The following RNMT variants were observed in gnomAD, a reference collection of about 807,000 sequenced individuals.
RNMT encodes the protein mRNA cap guanine-N(7) methyltransferase.
Under a neutral mutation model 56.0 loss-of-function variants are expected in RNMT, and 27 were observed. The ratio of observed to expected loss-of-function variants is 0.48; its 90% CI spans 0.36 to 0.67. The LOEUF (loss-of-function observed/expected upper bound fraction) is 0.67, where lower values mean the gene tolerates loss of function less well. Ranked by LOEUF, RNMT falls within the 30% of genes least tolerant of loss-of-function variation. The probability of loss-of-function intolerance (pLI) is 0.00; values close to 1 mark genes in which losing one functional copy is unlikely to be tolerated. For missense variants in RNMT, 519 were observed against 552.1 expected, an observed-to-expected ratio of 0.94 and a Z score of 0.60; for synonymous variants, 184 against 176.2, an observed-to-expected ratio of 1.04 and a Z score of -0.35.
At chr18:13,756,382 A>C (rs2044542835) in intron 11 of RNMT, among the ~76,000 whole-genome samples, 1 of 152,190 alleles carries the variant, frequency 6.6e-6, no homozygotes, top group Admixed American at 6.5e-5. Flanking sequence ...AAATGAGGAC[A>C]GGACAGGACT....
At chr18:13,732,658 AT>A (rs1170302705) in intron 3 of RNMT, among the ~76,000 whole-genome samples, 1 of 151,540 alleles carries the variant, frequency 6.6e-6, no homozygotes, top group Non-Finnish European at 1.5e-5. Flanking sequence ...AAATTCTGCC[AT>A]TGGCCCTTAT....
chr18:13,745,971 ACT>A (rs569493573), intron 8 of RNMT, among the ~76,000 whole-genome samples: 179 of 152,186 alleles, frequency 1.2e-3, no homozygotes, highest in African/African-American at 4.2e-3. Context: ...AGCTCCGGAG[ACT>A]CTCATTTACT....
At chr18:13,732,048 A>G in intron 3 of RNMT, 114 bp downstream of exon 3, 2 of 865,884 alleles carry the variant, frequency 2.3e-6, no homozygotes, top group Non-Finnish European at 3.5e-6. Flanking sequence ...TCTATTTTTA[A>G]TAGATATGGT....
In RNMT at chr18:13,761,951, T is replaced by C; in HGVS notation, c.*1972T>C. The C allele has an allele frequency of 7.0e-7, 1 of 1,429,852 alleles. No individual in the cohort carries two copies. Among genetic ancestry groups the C allele is most frequent in the Non-Finnish European group, 9.2e-7 (1 of 1,082,250 alleles). 88.6% of individuals were successfully genotyped at this position (1,429,852 alleles called of 1,614,324 possible). On this transcript the variant is annotated 3_prime_UTR_variant, in exon 12 of 12. Transcript: ENST00000383314. The stretch of plus-strand genomic sequence containing the variant: ...AGGACTAGAAAAGGCTTCCCCTGCC[T>C]ATCCTCTCCGATCACCAAGGTGGAA...
intron 10 of RNMT, 118 bp from the exon 11 acceptor site, chr18:13,753,996 A>G: frequency 1.2e-5 from 7 of 604,170 alleles, no homozygotes; most frequent in Non-Finnish European, 2.1e-5. Flanking sequence ...AGTGAATCGA[A>G]TGTGTATTTA....
At chr18:13,744,636 A>G (rs2044322806) in intron 8 of RNMT, among the ~76,000 whole-genome samples, 1 of 152,252 alleles carries the variant, frequency 6.6e-6, no homozygotes, top group South Asian at 2.1e-4. Context: ...AATTTTGCTC[A>G]TGTTGCCTTT....
In RNMT at chr18:13,734,431, C is replaced by T. The variant is rs746872425; in HGVS notation, c.418-33C>T. On this transcript the variant is annotated intron_variant, in intron 3 of 11. Transcript: ENST00000383314. ...AGGCTTATTTTTACCATGTTCTGAT[C>T]CTTGATTTTTTTCTATTCTCTTTTA... 9 of 1,577,720 alleles carry T rather than the reference C, an allele frequency of 5.7e-6. No homozygotes were observed. The East Asian group carries it at 9.1e-5, about 16-fold the overall frequency.
intron 4 of RNMT, 132 bp from the exon 5 acceptor site, chr18:13,736,878 A>G: frequency 1.5e-6 from 1 of 659,542 alleles, no homozygotes; most frequent in Middle Eastern, 3.8e-4. Flanking sequence ...GAAGTTACAA[A>G]TTACATAAAT....
chr18:13,762,510 C>G lies in RNMT; in HGVS notation c.*2531C>G, dbSNP rs1218516926. ...AGGGTGACTCTCCAAAGAAATTGGC[C>G]TTCAGCTGGAGAAAACATTGGGTGG... On this transcript the variant is annotated 3_prime_UTR_variant, in exon 12 of 12. Transcript: ENST00000383314. 1 of 210,940 alleles carries G rather than the reference C, an allele frequency of 4.7e-6. No homozygotes were observed. The highest frequency in any genetic ancestry group is 2.3e-5 in the African/African-American group (1 of 42,720). 13.1% of individuals were successfully genotyped at this position (210,940 alleles called of 1,614,324 possible). A position where few individuals can be genotyped will look rare whatever the true frequency, so the allele number is the denominator to read the frequency against.
intron 10 of RNMT, among the ~76,000 whole-genome samples, chr18:13,752,971 CTTG>C (rs1343772081): frequency 1.3e-5 from 2 of 152,070 alleles, no homozygotes; most frequent in Admixed American, 1.3e-4. Flanking sequence ...GCCACTAGAT[CTTG>C]TTATTATAGT....
Position 13,762,557 on chromosome 18 carries a change from C to T in RNMT, c.*2578C>T, listed in dbSNP as rs1197013304. 9.9e-6 allele frequency: 2 copies of T among 202,468 alleles called. No individual in the cohort carries two copies. Among genetic ancestry groups the T allele is most frequent in the Non-Finnish European group, 1.0e-5 (1 of 98,956 alleles). The allele number at this position is 202,468 out of a possible 1,614,324, so 12.5% of individuals were successfully genotyped here. On this transcript the variant is annotated 3_prime_UTR_variant, in exon 12 of 12. Coordinates refer to ENST00000383314, the MANE Select transcript of RNMT (RefSeq NM_003799.3). ...GTGGAGACTCTCACTTATGTTAATGCAATCTTGAAATGACTGAAAGGTAGA... is the reference window on the plus strand; with the variant it reads ...GTGGAGACTCTCACTTATGTTAATGTAATCTTGAAATGACTGAAAGGTAGA...
rs2044623873 is a variant in RNMT at position 13,761,854 on chromosome 18, C to T, written c.*1875C>T. ...CTCCACCACCCTACACCCCCCTCCC[C>T]CCGGCCCCAAGCCCCTGTGTCTCCT... On this transcript the variant is annotated 3_prime_UTR_variant, in exon 12 of 12. Transcript: ENST00000383314. 8.9e-7 allele frequency: 1 copy of T among 1,123,866 alleles called. No homozygotes were observed. The highest frequency in any genetic ancestry group is 1.1e-6 in the Non-Finnish European group (1 of 916,512). 69.6% of individuals were successfully genotyped at this position (1,123,866 alleles called of 1,614,324 possible). A position where few individuals can be genotyped will look rare whatever the true frequency, so the allele number is the denominator to read the frequency against.
At position 13,761,909 on chromosome 18, in the gene RNMT, T is replaced by G. The variant is rs1314606688; in HGVS notation, c.*1930T>G. ...ACAATTAAGTTTCTGGATATTGACT[T>G]AAGAACTGTTAGGAAGAGGACTAGA... On this transcript the variant is annotated 3_prime_UTR_variant, in exon 12 of 12. Coordinates refer to ENST00000383314, the MANE Select transcript of RNMT (RefSeq NM_003799.3). 7.3e-6 allele frequency: 10 copies of G among 1,377,606 alleles called. No homozygotes were observed. Among genetic ancestry groups the G allele is most frequent in the Non-Finnish European group, 8.4e-6 (9 of 1,067,586 alleles). 85.3% of individuals were successfully genotyped at this position (1,377,606 alleles called of 1,614,324 possible). A position where few individuals can be genotyped will look rare whatever the true frequency, so the allele number is the denominator to read the frequency against.
Position 13,752,398 on chromosome 18 carries a change from A to G in RNMT, c.1330A>G (p.Met444Val), listed in dbSNP as rs1487453445. 1 of 1,611,514 alleles carries G rather than the reference A, an allele frequency of 6.2e-7. No individual in the cohort carries two copies. The highest frequency in any genetic ancestry group is 8.5e-7 in the Non-Finnish European group (1 of 1,177,770). ...VDDYEHAAKY[M>V]KNSQVRLPLG... The stretch of plus-strand genomic sequence containing the variant: ...TGACTATGAACATGCAGCAAAGTAC[A>G]TGAAGAACAGTCAAGTAAGGTTACC... Residue 444 changes from methionine to valine, a missense_variant, in exon 10 of 12, where the codon ATG (methionine) becomes GTG (valine). Physicochemically the swap from Met to Val is conservative, Grantham distance 21. Coordinates refer to ENST00000383314, the MANE Select transcript of RNMT (RefSeq NM_003799.3).
chr18:13,761,572 G>T lies in RNMT; in HGVS notation c.*1593G>T. 2.0e-6 allele frequency: 2 copies of T among 992,534 alleles called. No homozygotes were observed. The highest frequency in any genetic ancestry group is 2.4e-6 in the Non-Finnish European group (2 of 833,904). The allele number at this position is 992,534 out of a possible 1,614,324, so 61.5% of individuals were successfully genotyped here. A position where few individuals can be genotyped will look rare whatever the true frequency, so the allele number is the denominator to read the frequency against. The stretch of plus-strand genomic sequence containing the variant: ...ACCTCTTCCACGCCATGGGTAACTT[G>T]GGGGAGAGAAGAATCCTCCAAACGA... On this transcript the variant is annotated 3_prime_UTR_variant, in exon 12 of 12. Transcript: ENST00000383314.
intron 5 of RNMT, among the ~76,000 whole-genome samples, chr18:13,739,036 T>C (rs1053248294): frequency 1.3e-5 from 2 of 152,152 alleles, no homozygotes; most frequent in African/African-American, 4.8e-5. Flanking sequence ...CGCCCAAGGG[T>C]TGGGGAACTT....
At chr18:13,732,310 G>A (rs1057273099) in intron 3 of RNMT, among the ~76,000 whole-genome samples, 11 of 152,030 alleles carry the variant, frequency 7.2e-5, no homozygotes, top group African/African-American at 2.4e-4. Flanking sequence ...GTCCTCCGGC[G>A]TTTTTAAAAA....
At chr18:13,734,931 T>G (rs780420447) in intron 4 of RNMT, among the ~76,000 whole-genome samples, 2 of 152,182 alleles carry the variant, frequency 1.3e-5, no homozygotes, top group African/African-American at 2.4e-5. Flanking sequence ...TCTTGATTTG[T>G]TTAGGCCTTC....
Position 13,761,698 on chromosome 18 carries a change from A to AAG in RNMT, c.*1721_*1722dup. On this transcript the variant is annotated 3_prime_UTR_variant, in exon 12 of 12. Coordinates refer to ENST00000383314, the MANE Select transcript of RNMT (RefSeq NM_003799.3). ...AGCAGAGAGCAAGATTAGATCTGAG[A>AAG]AGATGCTCTGGGGACTGAGCCCACT... The AAG allele has an allele frequency of 9.3e-7, 1 of 1,078,058 alleles. No homozygotes were observed. The highest frequency in any genetic ancestry group is 1.1e-6 in the Non-Finnish European group (1 of 887,472). The allele number at this position is 1,078,058 out of a possible 1,614,324, so 66.8% of individuals were successfully genotyped here.
Sources: gnomAD v4.1 joint callset for allele counts (sites outside exome capture counted in the v4.1 genomes callset) on GRCh38, gnomAD v4.1.1 for gene constraint, MANE v1.5 for transcripts, NCBI Gene and HGNC (gene_info 2026-07-23, HGNC 2026-07-21) for gene names.